The following STK40 variants were observed in gnomAD, a reference collection of about 807,000 sequenced individuals.
STK40 encodes serine/threonine-protein kinase 40.
Under a neutral mutation model 47.9 loss-of-function variants are expected in STK40, and 13 were observed. The ratio of observed to expected loss-of-function variants is 0.27; its 90% CI spans 0.18 to 0.43. STK40 has a LOEUF of 0.43. Among genes scored for constraint, STK40 ranks in the 20% least tolerant of loss-of-function variants. STK40 has a pLI of 1.00. For missense variants in STK40, 460 were observed against 595.1 expected (o/e 0.77, Z 2.36); for synonymous variants, 225 against 243.2 (o/e 0.93, Z 0.69).
chr1:36,343,570 TCA>T (rs1570432163), intron 9 of STK40, 122 bp from the exon 10 acceptor site: 1 of 1,047,592 alleles, frequency 9.5e-7, no homozygotes, highest in Non-Finnish European at 1.4e-6. Context: ...TCTCTGAGCC[TCA>T]GTTTTCTTAT....
chr1:36,366,972 T>A (rs544059724), intron 1 of STK40, among the ~76,000 whole-genome samples: 6 of 151,798 alleles, frequency 4.0e-5, no homozygotes, highest in Non-Finnish European at 8.8e-5. Flanking sequence ...GTACCTGAGA[T>A]TACAGGCATC....
At chr1:36,368,947 C>T (rs1156860508) in intron 1 of STK40, among the ~76,000 whole-genome samples, 1 of 152,200 alleles carries the variant, frequency 6.6e-6, no homozygotes. Flanking sequence ...AACTTACTCT[C>T]AGGTCCCCCG....
intron 1 of STK40, among the ~76,000 whole-genome samples, chr1:36,362,849 T>G (rs1188724210): frequency 5.9e-5 from 9 of 152,196 alleles, no homozygotes; most frequent in Non-Finnish European, 1.3e-4. Flanking sequence ...TTTCCTTTTT[T>G]CCCACCTAAA....
At position 36,367,636 on chromosome 1, in the gene STK40, G is replaced by A. The variant is rs996605836; in HGVS notation, c.-8-6296C>T. On this transcript the variant is annotated intron_variant, in intron 1 of 10. Coordinates refer to ENST00000373132, the MANE Select transcript of STK40 (RefSeq NM_001282547.2). ...TAGCTCTACCCCATGGTTCCACCTGGTAGACACACCAATCTCCATAGGGAT... is the reference window on the plus strand; with the variant it reads ...TAGCTCTACCCCATGGTTCCACCTGATAGACACACCAATCTCCATAGGGAT... Among the ~76,000 whole-genome samples the A allele has an allele frequency of 3.3e-5, 5 of 152,162 alleles. No homozygotes were observed. In the East Asian group the frequency reaches 9.6e-4, roughly 29 times the overall value.
At chr1:36,353,477 T>A (rs887496192) in intron 6 of STK40, among the ~76,000 whole-genome samples, 6 of 152,212 alleles carry the variant, frequency 3.9e-5, no homozygotes, top group African/African-American at 1.2e-4. Context: ...GTCCCTCTGC[T>A]GCTGGTTCAC....
intron 1 of STK40, among the ~76,000 whole-genome samples, chr1:36,373,302 C>CT (rs1355472369): frequency 6.6e-6 from 1 of 152,164 alleles, no homozygotes; most frequent in African/African-American, 2.4e-5. Context: ...GCAGGTATGT[C>CT]TTTTTTTCAT....
chr1:36,362,167 A>G (rs1056856984), intron 1 of STK40, among the ~76,000 whole-genome samples: 2 of 152,212 alleles, frequency 1.3e-5, no homozygotes, highest in Non-Finnish European at 2.9e-5. Flanking sequence ...GCCAGAGGCT[A>G]AAAGACACCT....
intron 2 of STK40, among the ~76,000 whole-genome samples, chr1:36,360,021 G>A (rs183268482): frequency 9.0e-4 from 137 of 152,166 alleles, no homozygotes; most frequent in African/African-American, 3.2e-3. Flanking sequence ...CCCTACCTAC[G>A]GGCCCTTCTC....
chr1:36,375,269 G>A (rs1190436047), intron 1 of STK40, among the ~76,000 whole-genome samples: 1 of 152,162 alleles, frequency 6.6e-6, no homozygotes, highest in African/African-American at 2.4e-5. Flanking sequence ...CACTTTAGGA[G>A]GCCGAGGCAG....
intron 1 of STK40, among the ~76,000 whole-genome samples, chr1:36,382,052 G>T (rs1647044016): frequency 1.3e-5 from 2 of 152,142 alleles, no homozygotes; most frequent in Non-Finnish European, 2.9e-5. Context: ...TGGAATCAGG[G>T]CTCTGTATTT....
chr1:36,350,032 C>T (rs548738486), intron 6 of STK40, among the ~76,000 whole-genome samples: 32 of 152,268 alleles, frequency 2.1e-4, no homozygotes, highest in African/African-American at 7.7e-4. Flanking sequence ...CGCATCCAGG[C>T]GGCTCTGAGA....
At chr1:36,380,022 C>T (rs767657726) in intron 1 of STK40, among the ~76,000 whole-genome samples, 3 of 152,162 alleles carry the variant, frequency 2.0e-5, no homozygotes, top group African/African-American at 7.2e-5. Flanking sequence ...CAGTGGGACA[C>T]ATCATAGCCA....
chr1:36,353,219 G>A (rs2124732349), intron 6 of STK40, among the ~76,000 whole-genome samples: 1 of 152,342 alleles, frequency 6.6e-6, no homozygotes. Flanking sequence ...GTTGAGAGGT[G>A]ACAGAGGGGA....
intron 2 of STK40, among the ~76,000 whole-genome samples, chr1:36,359,312 G>C (rs959543379): frequency 6.6e-6 from 1 of 152,212 alleles, no homozygotes; most frequent in Admixed American, 6.5e-5. Context: ...AGGCTGAGGT[G>C]GGAGGATCGT....
intron 10 of STK40, chr1:36,343,073 G>A: frequency 1.7e-6 from 1 of 605,830 alleles, no homozygotes; most frequent in Non-Finnish European, 3.0e-6. Flanking sequence ...TGTGACTTGG[G>A]CAGCAGGAGG....
intron 1 of STK40, among the ~76,000 whole-genome samples, chr1:36,383,138 G>T (rs1647055083): frequency 6.6e-6 from 1 of 152,174 alleles, no homozygotes; most frequent in Non-Finnish European, 1.5e-5. Context: ...AGTAGAGAAG[G>T]GGTTTCTCCA....
chr1:36,358,510 C>T (rs1034130593), intron 3 of STK40, 128 bp from the exon 4 acceptor site: 83 of 1,339,324 alleles, frequency 6.2e-5, no homozygotes, highest in Non-Finnish European at 7.9e-5. Flanking sequence ...CACAAACACA[C>T]CAAGTGAAAT....
At chr1:36,379,292 T>C (rs1293190120) in intron 1 of STK40, among the ~76,000 whole-genome samples, 2 of 152,174 alleles carry the variant, frequency 1.3e-5, no homozygotes, top group Non-Finnish European at 2.9e-5. Flanking sequence ...TAGAGTTCCT[T>C]TGAAACCGTC....
At chr1:36,343,294 T>C (rs1352184605) in intron 10 of STK40, 70 bp downstream of exon 10, 2 of 1,532,056 alleles carry the variant, frequency 1.3e-6, no homozygotes, top group African/African-American at 2.7e-5. Flanking sequence ...ACCTCTGCCC[T>C]TGCCCTGCCT....
Sources: gnomAD v4.1 joint callset for allele counts (sites outside exome capture counted in the v4.1 genomes callset) on GRCh38, gnomAD v4.1.1 for gene constraint, MANE v1.5 for transcripts, NCBI Gene and HGNC (gene_info 2026-07-23, HGNC 2026-07-21) for gene names.